Variants in MTA3 observed in about 807,000 individuals in gnomAD.
MTA3 encodes metastasis associated 1 family member 3.
MTA3 carries 34 observed loss-of-function variants against 83.5 expected under a neutral mutation model. The observed-to-expected ratio is 0.41, with a 90% CI of 0.31 to 0.54. The LOEUF is 0.54. Ranked by LOEUF, MTA3 falls within the 20% of genes least tolerant of loss-of-function variation. The pLI, the probability that MTA3 is intolerant of heterozygous loss-of-function variation, is 0.33. For missense variants in MTA3, 761 were observed against 726.4 expected (o/e 1.05, Z -0.55); for synonymous variants, 303 against 252.7 (o/e 1.20, Z -1.89).
intron 4 of MTA3, among the ~76,000 whole-genome samples, chr2:42,630,279 C>G: frequency 6.6e-6 from 1 of 152,166 alleles, no homozygotes; most frequent in East Asian, 1.9e-4. Context: ...AACTACATTT[C>G]TGGCCATAAC....
intron 8 of MTA3, among the ~76,000 whole-genome samples, chr2:42,667,570 T>TTATGTGTGTGTGTGTGTGTGTGTTTG (rs770325715): frequency 2.1e-5 from 3 of 145,010 alleles, no homozygotes; most frequent in African/African-American, 5.1e-5. Flanking sequence ...CATTTAAAAA[T>TTATGTGTGTGTGTGTGTGTGTGTTTG]TGTGTGTGTG....
chr2:42,647,370 T>C (rs1688313175), intron 6 of MTA3, among the ~76,000 whole-genome samples: 2 of 151,756 alleles, frequency 1.3e-5, no homozygotes, highest in Non-Finnish European at 2.9e-5. Context: ...ATTACAGGCA[T>C]GTGCCACCAT....
intron 4 of MTA3, among the ~76,000 whole-genome samples, chr2:42,618,153 G>T (rs541613744): frequency 1.3e-5 from 2 of 151,972 alleles, no homozygotes; most frequent in Admixed American, 1.3e-4. Context: ...TCACTATGTT[G>T]CCCAGGCTGG....
rs769113414 is a variant in MTA3, at chr2:42,504,592, T to C, written c.-141+9338T>C. Among the ~76,000 whole-genome samples the C allele has an allele frequency of 4.7e-4, 71 of 151,962 alleles. 1 individual carries two copies. The highest frequency in any genetic ancestry group is 1.3e-4 in the Non-Finnish European group (9 of 68,016). Reference sequence around the variant, plus strand: ...AGCCACCAGAGGGACATGTCGCTCCTGTGTCATACTTATGACACCATCTCA... The same window carrying C: ...AGCCACCAGAGGGACATGTCGCTCCCGTGTCATACTTATGACACCATCTCA... On this transcript the variant is annotated intron_variant, in intron 2 of 17. Coordinates refer to the MTA3 transcript ENST00000405592.
At chr2:42,519,966 T>C (rs1330274450) in intron 2 of MTA3, among the ~76,000 whole-genome samples, 2 of 152,076 alleles carry the variant, frequency 1.3e-5, no homozygotes, top group South Asian at 4.2e-4. Context: ...GGCTTGCGCA[T>C]AGGAGGTGGA....
chr2:42,663,186 G>A (rs1238437033), intron 8 of MTA3, among the ~76,000 whole-genome samples: 1 of 152,132 alleles, frequency 6.6e-6, no homozygotes, highest in Non-Finnish European at 1.5e-5. Context: ...CTGGGGATGT[G>A]GTCCCTGCTT....
chr2:42,570,786 G>A (rs988276997), intron 2 of MTA3, among the ~76,000 whole-genome samples: 1 of 151,988 alleles, frequency 6.6e-6, no homozygotes, highest in African/African-American at 2.4e-5. Context: ...TGAGGCGGGC[G>A]GATCACCTGA....
chr2:42,616,910 G>T (rs1367636431), intron 4 of MTA3, among the ~76,000 whole-genome samples: 3 of 152,074 alleles, frequency 2.0e-5, no homozygotes, highest in Non-Finnish European at 2.9e-5. Flanking sequence ...AATTGCAATT[G>T]ACTTTAAATG....
intron 11 of MTA3, 68 bp downstream of exon 11, chr2:42,697,902 T>C: frequency 8.4e-7 from 1 of 1,194,868 alleles, no homozygotes; most frequent in Non-Finnish European, 1.1e-6. Flanking sequence ...ATATGTCATT[T>C]TGTTCAGTTT....
intron 2 of MTA3, among the ~76,000 whole-genome samples, chr2:42,576,455 A>G (rs1679038380): frequency 6.6e-6 from 1 of 152,164 alleles, no homozygotes; most frequent in Admixed American, 6.5e-5. Context: ...TGATGGGAAA[A>G]TCCAAATAAT....
At chr2:42,708,399 T>G (rs1229519212) in intron 13 of MTA3, among the ~76,000 whole-genome samples, 4 of 152,200 alleles carry the variant, frequency 2.6e-5, no homozygotes, top group African/African-American at 4.8e-5. Flanking sequence ...AAATGCAAAT[T>G]AAGCATTTTT....
chr2:42,653,119 G>T (rs1688865212), intron 6 of MTA3, among the ~76,000 whole-genome samples: 2 of 152,030 alleles, frequency 1.3e-5, no homozygotes, highest in African/African-American at 2.4e-5. Flanking sequence ...ATAGTTGCTG[G>T]GTCTACATTT....
chr2:42,631,113 A>G (rs1686629398), intron 4 of MTA3, among the ~76,000 whole-genome samples: 1 of 152,186 alleles, frequency 6.6e-6, no homozygotes. Flanking sequence ...AGGCTTTTGT[A>G]ATTTTTTTGG....
At chr2:42,674,023 C>A (rs1266392922) in intron 8 of MTA3, among the ~76,000 whole-genome samples, 1 of 152,236 alleles carries the variant, frequency 6.6e-6, no homozygotes, top group East Asian at 1.9e-4. Context: ...GTCTAGGATT[C>A]TGCTGAGCTA....
chr2:42,557,664 G>A (rs1224742238), intron 2 of MTA3, among the ~76,000 whole-genome samples: 2 of 152,166 alleles, frequency 1.3e-5, no homozygotes, highest in Non-Finnish European at 2.9e-5. Flanking sequence ...GATAAAAGGA[G>A]ACATAAACAA....
intron 2 of MTA3, among the ~76,000 whole-genome samples, chr2:42,538,724 A>G (rs1282260579): frequency 1.3e-5 from 2 of 149,898 alleles, no homozygotes; most frequent in Non-Finnish European, 3.0e-5. Flanking sequence ...AAAAAAAAAA[A>G]AAGAAAAAGA....
intron 16 of MTA3, among the ~76,000 whole-genome samples, chr2:42,726,230 T>G (rs909627253): frequency 6.6e-6 from 1 of 152,126 alleles, no homozygotes; most frequent in African/African-American, 2.4e-5. Context: ...GAAACTGAAT[T>G]GGAAACAACA....
chr2:42,639,297 A>T (rs1337639355), intron 4 of MTA3, among the ~76,000 whole-genome samples: 1 of 152,052 alleles, frequency 6.6e-6, no homozygotes, highest in East Asian at 1.9e-4. Context: ...AGATGTCTTA[A>T]TTTTTGTTTA....
chr2:42,504,665 C>CA (rs1558401606), intron 2 of MTA3, among the ~76,000 whole-genome samples: 1 of 143,068 alleles, frequency 7.0e-6, no homozygotes, highest in Non-Finnish European at 1.5e-5. Context: ...TTTAAGCTTG[C>CA]TTTTTTTTTT....
Sources: gnomAD v4.1 joint callset for allele counts (sites outside exome capture counted in the v4.1 genomes callset) on GRCh38, gnomAD v4.1.1 for gene constraint, MANE v1.5 for transcripts, NCBI Gene and HGNC (gene_info 2026-07-23, HGNC 2026-07-21) for gene names.